The following RSRP1 variants were observed in gnomAD, a reference collection of about 807,000 sequenced individuals.
The protein encoded by RSRP1 is arginine and serine rich protein 1.
Under a neutral mutation model 33.0 loss-of-function variants are expected in RSRP1, and 37 were observed. The observed-to-expected ratio is 1.12, with a 90% CI of 0.86 to 1.48. The LOEUF (loss-of-function observed/expected upper bound fraction) is 1.48, where lower values mean the gene tolerates loss of function less well. RSRP1 is among the 40% of genes most tolerant of loss of function. The probability of loss-of-function intolerance (pLI) is 0.00; values close to 1 mark genes in which losing one functional copy is unlikely to be tolerated. For missense variants in RSRP1, 402 were observed against 385.3 expected (o/e 1.04, Z -0.36); for synonymous variants, 167 against 158.7 (o/e 1.05, Z -0.40).
rs1641412026 is a variant in RSRP1 at position 25,280,649 on chromosome 1, C to CT, written c.-66-33621_-66-33620insA. Reference sequence around the variant, plus strand: ...TTGTAAACAGGGTCTCCCTCTGTCACCCAGGCTGCTGGAGTGTAGTGGTGT... The same window carrying CT: ...TTGTAAACAGGGTCTCCCTCTGTCACTCCAGGCTGCTGGAGTGTAGTGGTGT... On this transcript the variant is annotated intron_variant, in intron 1 of 1. Coordinates refer to the RSRP1 transcript ENST00000561867. Among the ~76,000 whole-genome samples, 4 of 118,802 alleles carry CT rather than the reference C, an allele frequency of 3.4e-5. 1 individual carries two copies. Among genetic ancestry groups the CT allele is most frequent in the Non-Finnish European group, 8.0e-5 (4 of 49,922 alleles). 77.9% of individuals were successfully genotyped at this position (118,802 alleles called of 152,430 possible).
rs1169065970 is a variant in RSRP1 at position 25,295,853 on chromosome 1, T to TTTTTG, written c.-67+42124_-67+42125insCAAAA. On this transcript the variant is annotated intron_variant, in intron 1 of 1. Transcript: ENST00000561867. ...GGTCTGGGAGGGAATATGGGAAATT[T>TTTTTG]TTTTTTTTTTTTTTTTTTTTTTTTT... Among the ~76,000 whole-genome samples, 3 of 40,240 alleles carry TTTTTG rather than the reference T, an allele frequency of 7.5e-5. 1 individual carries two copies. 26.4% of individuals were successfully genotyped at this position (40,240 alleles called of 152,430 possible).
intron 1 of RSRP1, chr1:25,284,512 A>G: frequency 7.5e-7 from 1 of 1,326,722 alleles, no homozygotes; most frequent in Non-Finnish European, 1.1e-6. Flanking sequence ...CTCTAATTTC[A>G]TACCACCCTA....
At chr1:25,266,553 G>A (rs1640316179) in intron 1 of RSRP1, among the ~76,000 whole-genome samples, 2 of 127,784 alleles carry the variant, frequency 1.6e-5, no homozygotes, top group African/African-American at 5.7e-5. Context: ...TCTACTAATC[G>A]GCTAATATCC....
intron 1 of RSRP1, among the ~76,000 whole-genome samples, chr1:25,303,041 G>T (rs142829222): frequency 1.5e-5 from 2 of 131,264 alleles, no homozygotes; most frequent in East Asian, 3.9e-4. Context: ...TGAGTGTGAT[G>T]GGTGCCTAGG....
intron 1 of RSRP1, among the ~76,000 whole-genome samples, chr1:25,288,743 C>A (rs1642251369): frequency 1.6e-5 from 2 of 126,618 alleles, no homozygotes; most frequent in African/African-American, 5.5e-5. Flanking sequence ...ACGCTCCTAA[C>A]CACTGCACAT....
chr1:25,333,195 G>A (rs1349318617), intron 1 of RSRP1, among the ~76,000 whole-genome samples: 1 of 131,934 alleles, frequency 7.6e-6, no homozygotes, highest in African/African-American at 2.6e-5. Flanking sequence ...TTCCCTCTTA[G>A]CCCATTCAGT....
chr1:25,257,654 C>G (rs1639990345), intron 1 of RSRP1, among the ~76,000 whole-genome samples: 1 of 144,810 alleles, frequency 6.9e-6, no homozygotes, highest in African/African-American at 2.6e-5. Flanking sequence ...AGGTTGAGTG[C>G]ACTGGTGCAG....
Position 25,331,621 on chromosome 1 carries a change from G to A in RSRP1, c.-67+6357C>T, listed in dbSNP as rs1645008766. On this transcript the variant is annotated intron_variant, in intron 1 of 1. Coordinates refer to the RSRP1 transcript ENST00000561867. ...CTTGCTCTGTCACCCAGGATGGAGT[G>A]CAGTGGTGCAATCTCGGCTCACTGA... Among the ~76,000 whole-genome samples the A allele has an allele frequency of 1.9e-5, 2 of 107,644 alleles. 1 individual carries two copies. 70.6% of individuals were successfully genotyped at this position (107,644 alleles called of 152,430 possible).
chr1:25,270,573 C>A lies in RSRP1; in HGVS notation c.-66-23544G>T, dbSNP rs144600207. ...CCATCCCTCCAACCTCACCCCGGTC[C>A]ATGGAAAAATTGTCTTTTACAAAAC... On this transcript the variant is annotated intron_variant, in intron 1 of 1. Transcript: ENST00000561867. Among the ~76,000 whole-genome samples, 991 of 132,122 alleles carry A rather than the reference C, an allele frequency of 7.5e-3. 255 individuals carry two copies. Among genetic ancestry groups the A allele is most frequent in the Non-Finnish European group, 0.014 (804 of 55,656 alleles). The allele number at this position is 132,122 out of a possible 152,430, so 86.7% of individuals were successfully genotyped here. A position where few individuals can be genotyped will look rare whatever the true frequency, so the allele number is the denominator to read the frequency against.
At chr1:25,305,488 C>CCAGAT (rs57346192) in intron 1 of RSRP1, among the ~76,000 whole-genome samples, 2 of 128,138 alleles carry the variant, frequency 1.6e-5, no homozygotes, top group East Asian at 2.0e-4. Context: ...CCTCCACCTC[C>CCAGAT]TGGGTTCAAG....
chr1:25,269,809 G>A lies in RSRP1; in HGVS notation c.-66-22780C>T, dbSNP rs1171612845. Among the ~76,000 whole-genome samples, 2 of 132,582 alleles carry A rather than the reference G, an allele frequency of 1.5e-5. 1 individual carries two copies. Among genetic ancestry groups the A allele is most frequent in the African/African-American group, 5.1e-5 (2 of 38,836 alleles). The allele number at this position is 132,582 out of a possible 152,430, so 87.0% of individuals were successfully genotyped here. On this transcript the variant is annotated intron_variant, in intron 1 of 1. Transcript: ENST00000561867. ...AGCATTTCTGTTCTGCGAGGAGCGG[G>A]ATCCTCTTGTCAAGCAGTCAGTCCC...
In RSRP1 at chr1:25,245,209, GA is replaced by G; in HGVS notation, c.612del (p.Pro205LeufsTer10). 1 of 1,614,018 alleles carries G rather than the reference GA, an allele frequency of 6.2e-7. No individual in the cohort carries two copies. Among genetic ancestry groups the G allele is most frequent in the Non-Finnish European group, 8.5e-7 (1 of 1,180,006 alleles). On this transcript the variant is annotated frameshift_variant, in exon 3 of 5. Coordinates refer to ENST00000243189, the MANE Select transcript of RSRP1 (RefSeq NM_020317.5). LOFTEE classifies it high-confidence loss of function. ...NIDLPASLRT[V>X]PSAKETSRGI... ...CCACGGCTTGTTTCTTTGGCTGAAG[GA>G]ACAGTTCTGAGACTAGCTGGCAAGT...
chr1:25,242,761 C>CA (rs1186762009), intron 4 of RSRP1, 56 bp from the exon 5 acceptor site: 118 of 1,196,866 alleles, frequency 9.9e-5, no homozygotes, highest in African/African-American at 2.2e-4. Context: ...ACTTTTTTCA[C>CA]AAAAAAAAGT....
chr1:25,247,005 C>T lies in RSRP1; in HGVS notation c.-42G>A, dbSNP rs894704827. On this transcript the variant is annotated 5_prime_UTR_variant, in exon 2 of 5. Coordinates refer to ENST00000243189, the MANE Select transcript of RSRP1 (RefSeq NM_020317.5). ...AGCCTGCGCTTTCTCCGGAAAGGATCCCGCAAGCCTCAACTCAGGACTTCC... is the reference window on the plus strand; with the variant it reads ...AGCCTGCGCTTTCTCCGGAAAGGATTCCGCAAGCCTCAACTCAGGACTTCC... The T allele has an allele frequency of 6.6e-7, 1 of 1,510,298 alleles. No homozygotes were observed. Among genetic ancestry groups the T allele is most frequent in the Non-Finnish European group, 8.9e-7 (1 of 1,125,280 alleles). The allele number at this position is 1,510,298 out of a possible 1,614,324, so 93.6% of individuals were successfully genotyped here. A position where few individuals can be genotyped will look rare whatever the true frequency, so the allele number is the denominator to read the frequency against.
At chr1:25,261,219 G>C (rs908418445) in intron 1 of RSRP1, among the ~76,000 whole-genome samples, 5 of 152,110 alleles carry the variant, frequency 3.3e-5, no homozygotes, top group Non-Finnish European at 7.4e-5. Context: ...CACTTTAGGG[G>C]TTAGGGCTTC....
chr1:25,247,059 G>A, intron 1 of RSRP1, 30 bp from the exon 2 acceptor site: 2 of 1,306,244 alleles, frequency 1.5e-6, no homozygotes, highest in Non-Finnish European at 2.0e-6. Context: ...AAAACAAGTC[G>A]AGTCGCGGAA....
Position 25,246,613 on chromosome 1 carries a change from G to A in RSRP1, c.351C>T (p.Ser117=). The A allele has an allele frequency of 6.2e-7, 1 of 1,614,040 alleles. No homozygotes were observed. Among genetic ancestry groups the A allele is most frequent in the South Asian group, 1.1e-5 (1 of 91,086 alleles). Residue 117 remains serine (S), a synonymous_variant, in exon 2 of 5, where the codon AGC becomes AGT. Coordinates refer to ENST00000243189, the MANE Select transcript of RSRP1 (RefSeq NM_020317.5). ...ACGACCTTCCCCGAGAGCGCGACCT[G>A]CTACGGGACCGGGACCGGTACCGCG... ...SPSRYRSRSR[S]RSRSRGRSYC... is the part of the protein sequence containing the mutation.
At chr1:25,292,416 G>C (rs569013675) in intron 1 of RSRP1, among the ~76,000 whole-genome samples, 1 of 132,772 alleles carries the variant, frequency 7.5e-6, no homozygotes, top group East Asian at 2.0e-4. Flanking sequence ...ATAGCTGTGA[G>C]AGTGATGGGA....
In RSRP1 at chr1:25,296,967, T is replaced by A. The variant is rs112350226; in HGVS notation, c.-67+41011A>T. On this transcript the variant is annotated intron_variant, in intron 1 of 1. Transcript: ENST00000561867. ...CAAGGGGACATTCTCTTACATAACC[T>A]TTTTTCAGTTAACAAAAATGAGAAA... Among the ~76,000 whole-genome samples, 86 of 131,570 alleles carry A rather than the reference T, an allele frequency of 6.5e-4. 3 individuals carry two copies. The highest frequency in any genetic ancestry group is 2.0e-3 in the African/African-American group (77 of 38,032). 86.3% of individuals were successfully genotyped at this position (131,570 alleles called of 152,430 possible).
Sources: gnomAD v4.1 joint callset for allele counts (sites outside exome capture counted in the v4.1 genomes callset) on GRCh38, gnomAD v4.1.1 for gene constraint, MANE v1.5 for transcripts, NCBI Gene and HGNC (gene_info 2026-07-23, HGNC 2026-07-21) for gene names.